Variants in UBE2G1 observed in about 807,000 individuals in gnomAD.
UBE2G1 encodes ubiquitin-conjugating enzyme E2 G1.
A neutral mutation model predicts 22.7 loss-of-function variants in UBE2G1; 5 were observed. The observed-to-expected ratio is 0.22, with a 90% confidence interval of 0.12 to 0.46. The LOEUF (loss-of-function observed/expected upper bound fraction) is 0.46, where lower values mean the gene tolerates loss of function less well. Among genes scored for constraint, UBE2G1 ranks in the 20% least tolerant of loss-of-function variants. The probability of loss-of-function intolerance (pLI) is 0.99; values close to 1 mark genes in which losing one functional copy is unlikely to be tolerated. For missense variants in UBE2G1, 88 were observed against 203.9 expected (o/e 0.43, Z 3.46); for synonymous variants, 74 against 67.5 (o/e 1.10, Z -0.47).
intron 1 of UBE2G1, among the ~76,000 whole-genome samples, chr17:4,308,828 C>CG (rs1462426376): frequency 6.6e-6 from 1 of 152,176 alleles, no homozygotes; most frequent in Non-Finnish European, 1.5e-5. Context: ...TAATATAACT[C>CG]AGAGTGCTAC....
At chr17:4,311,097 G>T (rs1330275226) in intron 1 of UBE2G1, among the ~76,000 whole-genome samples, 1 of 152,078 alleles carries the variant, frequency 6.6e-6, no homozygotes, top group Non-Finnish European at 1.5e-5. Flanking sequence ...ACAGTGATGT[G>T]CACCTACAGT....
intron 1 of UBE2G1, among the ~76,000 whole-genome samples, chr17:4,311,071 C>A (rs890293565): frequency 6.6e-6 from 1 of 151,654 alleles, no homozygotes; most frequent in African/African-American, 2.4e-5. Flanking sequence ...CAAAAGAGTA[C>A]AAAAATTAGC....
intron 1 of UBE2G1, among the ~76,000 whole-genome samples, chr17:4,330,976 C>CCCCACACACACACACA (rs1555522268): frequency 2.1e-5 from 3 of 143,576 alleles, no homozygotes; most frequent in Admixed American, 6.9e-5. Context: ...ACCTTTAAAA[C>CCCCACACACACACACA]CACACACACA....
At chr17:4,275,631 G>A (rs941535283) in intron 5 of UBE2G1, among the ~76,000 whole-genome samples, 1 of 152,042 alleles carries the variant, frequency 6.6e-6, no homozygotes, top group Non-Finnish European at 1.5e-5. Flanking sequence ...ACAGACCAAT[G>A]TGCTCCCAAA....
chr17:4,283,746 GGAGA>G (rs1204055843), intron 4 of UBE2G1, among the ~76,000 whole-genome samples: 1 of 152,052 alleles, frequency 6.6e-6, no homozygotes, highest in Admixed American at 6.6e-5. Flanking sequence ...GGGAAGAGCA[GGAGA>G]GAGAGGAGTT....
At position 4,279,767 on chromosome 17, in the gene UBE2G1, T is replaced by C. The variant is rs1968861422; in HGVS notation, c.*37+3031A>G. Among the ~76,000 whole-genome samples, 2 of 105,576 alleles carry C rather than the reference T, an allele frequency of 1.9e-5. 1 individual carries two copies. 69.3% of individuals were successfully genotyped at this position (105,576 alleles called of 152,430 possible). A position where few individuals can be genotyped will look rare whatever the true frequency, so the allele number is the denominator to read the frequency against. ...TCCAGCCCGAGCGACACAGCGAAAC[T>C]CTGCCCCCAAAAAAAAGTTATATAT... is the stretch of plus-strand genomic sequence containing the variant. On this transcript the variant is annotated intron_variant, in intron 5 of 5. Transcript: ENST00000396981.
At chr17:4,284,062 T>TCCTCA (rs1567514686) in intron 4 of UBE2G1, among the ~76,000 whole-genome samples, 1 of 147,668 alleles carries the variant, frequency 6.8e-6, no homozygotes, top group Non-Finnish European at 1.5e-5. Context: ...GAAGCTGAGG[T>TCCTCA]GGGAGAATCG....
intron 4 of UBE2G1, among the ~76,000 whole-genome samples, chr17:4,286,308 G>C (rs1387039705): frequency 6.6e-6 from 1 of 151,394 alleles, no homozygotes; most frequent in Non-Finnish European, 1.5e-5. Flanking sequence ...GGGAGGCTGA[G>C]GCAGGAGAAT....
intron 1 of UBE2G1, among the ~76,000 whole-genome samples, chr17:4,321,336 A>G (rs1046565519): frequency 8.6e-6 from 1 of 115,834 alleles, no homozygotes; most frequent in Non-Finnish European, 2.2e-5. Flanking sequence ...CCTTGCTAAC[A>G]CTGGGTACTT....
At chr17:4,348,410 G>A (rs1160708309) in intron 1 of UBE2G1, among the ~76,000 whole-genome samples, 3 of 149,250 alleles carry the variant, frequency 2.0e-5, no homozygotes, top group Admixed American at 6.7e-5. Context: ...AAAATTAGCC[G>A]GGCGTAGTGG....
chr17:4,340,980 CT>C (rs1317782503), intron 1 of UBE2G1, among the ~76,000 whole-genome samples: 3 of 135,644 alleles, frequency 2.2e-5, no homozygotes, highest in African/African-American at 8.6e-5. Flanking sequence ...CTATGAAAAT[CT>C]TGTCTTTCCA....
intron 1 of UBE2G1, among the ~76,000 whole-genome samples, chr17:4,313,799 G>A (rs1228294389): frequency 1.3e-5 from 2 of 152,176 alleles, no homozygotes; most frequent in Non-Finnish European, 2.9e-5. Flanking sequence ...GGAGTATCCA[G>A]TGACTGTTAA....
At chr17:4,362,983 C>T (rs1969986543) in intron 1 of UBE2G1, among the ~76,000 whole-genome samples, 1 of 152,024 alleles carries the variant, frequency 6.6e-6, no homozygotes, top group African/African-American at 2.4e-5. Context: ...ATTGGCCAGA[C>T]ACAGTGGAGG....
At chr17:4,312,328 C>A (rs962119774) in intron 1 of UBE2G1, among the ~76,000 whole-genome samples, 2 of 151,956 alleles carry the variant, frequency 1.3e-5, no homozygotes, top group Admixed American at 6.6e-5. Flanking sequence ...GATGCATCAC[C>A]CAAGGATAAG....
intron 3 of UBE2G1, among the ~76,000 whole-genome samples, chr17:4,292,895 G>C (rs941312933): frequency 1.3e-5 from 2 of 152,166 alleles, no homozygotes; most frequent in African/African-American, 4.8e-5. Context: ...ACTGGGTGTA[G>C]CAAGTATACC....
intron 1 of UBE2G1, among the ~76,000 whole-genome samples, chr17:4,354,429 C>A (rs182286560): frequency 6.6e-6 from 1 of 152,046 alleles, no homozygotes; most frequent in Non-Finnish European, 1.5e-5. Context: ...AAGAACCCTC[C>A]GAAATTACAT....
intron 1 of UBE2G1, among the ~76,000 whole-genome samples, chr17:4,344,521 CAA>C (rs1318004878): frequency 6.8e-6 from 1 of 146,738 alleles, no homozygotes; most frequent in African/African-American, 2.5e-5. Context: ...GCCTGGACGA[CAA>C]GAGTGAAACG....
chr17:4,298,929 T>C (rs1042165102), intron 2 of UBE2G1, among the ~76,000 whole-genome samples: 2 of 152,194 alleles, frequency 1.3e-5, no homozygotes, highest in Non-Finnish European at 2.9e-5. Context: ...GGAATAGCTG[T>C]TGTGAAGAGT....
At chr17:4,285,962 A>G (rs570313090) in intron 4 of UBE2G1, among the ~76,000 whole-genome samples, 7 of 151,842 alleles carry the variant, frequency 4.6e-5, no homozygotes, top group Non-Finnish European at 8.8e-5. Flanking sequence ...AAAAAAAAAA[A>G]AAATTGGAGC....
Sources: allele counts gnomAD v4.1 joint callset (sites outside exome capture counted in the v4.1 genomes callset), GRCh38; gene constraint gnomAD v4.1.1; transcripts MANE v1.5; gene names NCBI Gene and HGNC (gene_info 2026-07-23, HGNC 2026-07-21).